Variants in GUCY1A2 observed in about 807,000 individuals in gnomAD.
GUCY1A2 encodes the protein guanylate cyclase 1 soluble subunit alpha 2.
GUCY1A2 carries 27 observed loss-of-function variants against 63.5 expected under a neutral mutation model. That is an observed-to-expected ratio of 0.43 (90% CI 0.31 to 0.59). GUCY1A2 has a LOEUF of 0.59. Ranked by LOEUF, GUCY1A2 falls within the 20% of genes least tolerant of loss-of-function variation. GUCY1A2 has a pLI of 0.11. For synonymous variants in GUCY1A2, 364 were observed against 343.5 expected, an observed-to-expected ratio of 1.06 and a Z score of -0.66; for missense variants, 768 against 913.3, an observed-to-expected ratio of 0.84 and a Z score of 2.05.
At chr11:106,716,237 A>G (rs1352993576) in intron 6 of GUCY1A2, among the ~76,000 whole-genome samples, 1 of 152,168 alleles carries the variant, frequency 6.6e-6, no homozygotes, top group Non-Finnish European at 1.5e-5. Context: ...AGCAGATCAT[A>G]TAGCACAGGG....
In GUCY1A2 at chr11:106,907,101, C is replaced by T. The variant is rs554263942; in HGVS notation, c.1206+32359G>A. On this transcript the variant is annotated intron_variant, in intron 4 of 7. Coordinates refer to ENST00000526355, the MANE Select transcript of GUCY1A2 (RefSeq NM_000855.3). ...AATTTAAAATAAAAAGACCACTTGC[C>T]TAGTAACAGCAGCTCCACTGATGAA... is the stretch of plus-strand genomic sequence containing the variant. 2.0e-5 allele frequency among the ~76,000 whole-genome samples: 3 copies of T among 152,038 alleles called. No homozygotes were observed. The South Asian group carries it at 6.2e-4, about 32-fold the overall frequency.
chr11:106,824,849 G>T (rs1231578604), intron 4 of GUCY1A2: 8 of 1,610,690 alleles, frequency 5.0e-6, no homozygotes, highest in South Asian at 1.1e-5. Flanking sequence ...GTGATAAAAA[G>T]ATGGAGGAAA....
At chr11:106,803,177 A>C (rs1371692957) in intron 5 of GUCY1A2, among the ~76,000 whole-genome samples, 1 of 152,218 alleles carries the variant, frequency 6.6e-6, no homozygotes, top group Non-Finnish European at 1.5e-5. Context: ...GAATATAAAA[A>C]TAGACATTTG....
intron 6 of GUCY1A2, among the ~76,000 whole-genome samples, chr11:106,772,705 A>C (rs940565512): frequency 6.6e-6 from 1 of 152,200 alleles, no homozygotes; most frequent in African/African-American, 2.4e-5. Context: ...TTCTCGGGTA[A>C]TTTAACTGTG....
chr11:106,743,528 C>A, intron 6 of GUCY1A2, among the ~76,000 whole-genome samples: 1 of 152,332 alleles, frequency 6.6e-6, no homozygotes, highest in East Asian at 1.9e-4. Context: ...GCACCTGTCT[C>A]TCTTCCTGTC....
chr11:106,716,484 A>G (rs1417209969), intron 6 of GUCY1A2, among the ~76,000 whole-genome samples: 1 of 152,118 alleles, frequency 6.6e-6, no homozygotes, highest in Non-Finnish European at 1.5e-5. Flanking sequence ...AGCCAATAGC[A>G]TTGTGATTTT....
intron 3 of GUCY1A2, among the ~76,000 whole-genome samples, chr11:106,940,878 C>T (rs1860743571): frequency 6.6e-6 from 1 of 152,078 alleles, no homozygotes; most frequent in Non-Finnish European, 1.5e-5. Context: ...ATCCAAGTTG[C>T]CTACATATTA....
At chr11:106,921,649 G>A (rs919132985) in intron 4 of GUCY1A2, among the ~76,000 whole-genome samples, 9 of 151,984 alleles carry the variant, frequency 5.9e-5, no homozygotes, top group African/African-American at 1.9e-4. Flanking sequence ...GTAAAATGGC[G>A]ATAGTAATTT....
chr11:106,972,089 G>A (rs368695211), intron 3 of GUCY1A2, among the ~76,000 whole-genome samples: 6 of 152,108 alleles, frequency 3.9e-5, no homozygotes, highest in African/African-American at 1.2e-4. Flanking sequence ...ACATAAGTCT[G>A]AGAAATTGTC....
intron 3 of GUCY1A2, among the ~76,000 whole-genome samples, chr11:106,966,408 C>T (rs1301891302): frequency 6.6e-6 from 1 of 151,974 alleles, no homozygotes; most frequent in East Asian, 1.9e-4. Context: ...GCGCCCGGCC[C>T]CATTGTCTTA....
intron 4 of GUCY1A2, among the ~76,000 whole-genome samples, chr11:106,896,223 C>T (rs1352647801): frequency 6.6e-6 from 1 of 151,878 alleles, no homozygotes; most frequent in Non-Finnish European, 1.5e-5. Context: ...AAAAACATCA[C>T]ATGATCATAT....
At chr11:106,961,401 C>A (rs768222710) in intron 3 of GUCY1A2, among the ~76,000 whole-genome samples, 15 of 152,090 alleles carry the variant, frequency 9.9e-5, no homozygotes, top group Non-Finnish European at 7.4e-5. Flanking sequence ...ACAAAGATGT[C>A]TGAATGTGGA....
chr11:106,874,241 A>T (rs1255856991), intron 4 of GUCY1A2, among the ~76,000 whole-genome samples: 1 of 152,202 alleles, frequency 6.6e-6, no homozygotes, highest in Non-Finnish European at 1.5e-5. Flanking sequence ...AGATAACCTT[A>T]CTTAAGGGCT....
At chr11:106,745,893 T>C (rs1360543257) in intron 6 of GUCY1A2, among the ~76,000 whole-genome samples, 2 of 152,248 alleles carry the variant, frequency 1.3e-5, no homozygotes, top group African/African-American at 4.8e-5. Context: ...CTAATGTAAC[T>C]TTTTCAGTTT....
rs552329147 is a variant in GUCY1A2 at position 106,826,521 on chromosome 11, T to G, written c.1207-16043A>C. 1.5e-5 allele frequency: 24 copies of G among 1,603,264 alleles called. No homozygotes were observed. The East Asian group carries it at 4.2e-4, about 28-fold the overall frequency. ...AATCAGTTTCACCAATTAAGAAAGC[T>G]CCCATCATTCGTCCATTTTGCATGA... On this transcript the variant is annotated intron_variant, in intron 4 of 7. Coordinates refer to ENST00000526355, the MANE Select transcript of GUCY1A2 (RefSeq NM_000855.3).
intron 3 of GUCY1A2, among the ~76,000 whole-genome samples, chr11:106,966,333 C>T (rs1363655437): frequency 6.6e-6 from 1 of 152,118 alleles, no homozygotes; most frequent in Non-Finnish European, 1.5e-5. Flanking sequence ...GACTCGAACT[C>T]CTGACCTCAG....
intron 4 of GUCY1A2, among the ~76,000 whole-genome samples, chr11:106,902,217 C>A (rs984797491): frequency 6.6e-6 from 1 of 152,172 alleles, no homozygotes; most frequent in East Asian, 1.9e-4. Context: ...TGAAAGGAAT[C>A]TCTTTTACTG....
At chr11:106,989,803 A>G (rs1861448224) in intron 1 of GUCY1A2, among the ~76,000 whole-genome samples, 1 of 152,198 alleles carries the variant, frequency 6.6e-6, no homozygotes, top group Non-Finnish European at 1.5e-5. Context: ...TGATACAAGC[A>G]GAATTCTCAA....
At position 106,708,509 on chromosome 11, in the gene GUCY1A2, T is replaced by C; in HGVS notation, c.1991+3A>G. On this transcript the variant is annotated splice_donor_region_variant and intron_variant, in intron 7 of 7. Coordinates refer to ENST00000526355, the MANE Select transcript of GUCY1A2 (RefSeq NM_000855.3). The stretch of plus-strand genomic sequence containing the variant: ...AGGAAGGAGGAGGCCAGAGAACACT[T>C]ACTGGTAAGTGGTTGGGCTGACATT... The C allele has an allele frequency of 6.2e-7, 1 of 1,608,836 alleles. No homozygotes were observed. Among genetic ancestry groups the C allele is most frequent in the Non-Finnish European group, 8.5e-7 (1 of 1,176,830 alleles).
Sources: allele counts gnomAD v4.1 joint callset (sites outside exome capture counted in the v4.1 genomes callset), GRCh38; gene constraint gnomAD v4.1.1; transcripts MANE v1.5; gene names NCBI Gene and HGNC (gene_info 2026-07-23, HGNC 2026-07-21).